RGL1: variants seen among roughly 807,000 people sequenced by gnomAD.
RGL1 encodes the protein ral guanine nucleotide dissociation stimulator like 1.
RGL1 carries 24 observed loss-of-function variants against 95.2 expected under a neutral mutation model. The ratio of observed to expected loss-of-function variants is 0.25; its 90% CI spans 0.18 to 0.35. The LOEUF (loss-of-function observed/expected upper bound fraction) is 0.35, where lower values mean the gene tolerates loss of function less well. Among genes scored for constraint, RGL1 ranks in the 10% least tolerant of loss-of-function variants. The probability of loss-of-function intolerance (pLI) is 1.00; values close to 1 mark genes in which losing one functional copy is unlikely to be tolerated. For synonymous variants in RGL1, 329 were observed against 344.9 expected (o/e 0.95, Z 0.51); for missense variants, 715 against 936.3 (o/e 0.76, Z 3.08).
chr1:183,811,989 C>A (rs979159941), intron 2 of RGL1, among the ~76,000 whole-genome samples: 3 of 152,158 alleles, frequency 2.0e-5, no homozygotes, highest in African/African-American at 4.8e-5. Context: ...CTGTGCCTTT[C>A]CACTTTAGAG....
In RGL1 at chr1:183,808,762, T is replaced by TC. The variant is rs776394150; in HGVS notation, c.138+2277_138+2278insC. ...TGTTGTGATGATCTCTCTCTCTCTC[T>TC]TTTTTTTTTTTTTAACATGAGGAGA... On this transcript the variant is annotated intron_variant, in intron 2 of 17. Transcript: ENST00000360851. Among the ~76,000 whole-genome samples the TC allele has an allele frequency of 4.9e-3, 677 of 139,380 alleles. 2 individuals are homozygous for TC. Among genetic ancestry groups the TC allele is most frequent in the Non-Finnish European group, 8.5e-3 (540 of 63,572 alleles). The allele number at this position is 139,380 out of a possible 152,430, so 91.4% of individuals were successfully genotyped here.
intron 1 of RGL1, among the ~76,000 whole-genome samples, chr1:183,725,798 A>C (rs1482483609): frequency 6.6e-6 from 1 of 152,224 alleles, no homozygotes; most frequent in Non-Finnish European, 1.5e-5. Context: ...AATTAAACTA[A>C]TCATCAACTT....
intron 1 of RGL1, among the ~76,000 whole-genome samples, chr1:183,707,656 C>G (rs12117797): frequency 0.47 from 72,006 of 151,714 alleles, 17,719 homozygotes; most frequent in East Asian, 0.76. Context: ...GGAGAGGGCG[C>G]TGGGGGAGGA....
intron 2 of RGL1, among the ~76,000 whole-genome samples, chr1:183,840,499 G>T (rs991227783): frequency 1.3e-5 from 2 of 152,034 alleles, no homozygotes; most frequent in African/African-American, 4.8e-5. Context: ...GCGTTTTCAT[G>T]ACTTTTTTAA....
intron 2 of RGL1, among the ~76,000 whole-genome samples, chr1:183,751,070 C>G (rs1657967375): frequency 6.6e-6 from 1 of 152,204 alleles, no homozygotes; most frequent in Non-Finnish European, 1.5e-5. Flanking sequence ...CAGGCTGTCC[C>G]TTAGTGGAGC....
At chr1:183,883,552 GTGATTTGTCAGAGTGAGAGCA>G (rs1258053123) in intron 5 of RGL1, among the ~76,000 whole-genome samples, 7 of 152,212 alleles carry the variant, frequency 4.6e-5, no homozygotes, top group Non-Finnish European at 1.0e-4. Context: ...CTAGGAGCCA[GTGATTTGTCAGAGTGAGAGCA>G]TGAGGGCTCT....
intron 2 of RGL1, among the ~76,000 whole-genome samples, chr1:183,824,273 C>G (rs1054590688): frequency 1.1e-4 from 16 of 152,278 alleles, no homozygotes; most frequent in African/African-American, 3.9e-4. Flanking sequence ...ATTCTAATTT[C>G]TGTGAAGATT....
At chr1:183,668,089 AC>A (rs1652172183) in intron 1 of RGL1, among the ~76,000 whole-genome samples, 1 of 152,178 alleles carries the variant, frequency 6.6e-6, no homozygotes, top group Admixed American at 6.5e-5. Flanking sequence ...TAGATCAATT[AC>A]GAATAAAAAA....
chr1:183,875,819 C>A (rs1389770437), intron 4 of RGL1, among the ~76,000 whole-genome samples: 1 of 142,258 alleles, frequency 7.0e-6, no homozygotes, highest in African/African-American at 2.7e-5. Flanking sequence ...GCGAAGATTG[C>A]AGTGAGCCGA....
chr1:183,903,622 A>G (rs1572580031), intron 12 of RGL1, among the ~76,000 whole-genome samples: 1 of 152,184 alleles, frequency 6.6e-6, no homozygotes, highest in Admixed American at 6.5e-5. Flanking sequence ...AAAGTTCACA[A>G]TCCAGGAGAG....
chr1:183,636,947 C>G (rs1649580147), intron 1 of RGL1, among the ~76,000 whole-genome samples: 1 of 152,162 alleles, frequency 6.6e-6, no homozygotes, highest in Non-Finnish European at 1.5e-5. Context: ...GGACCTCGAG[C>G]AGAAGACTGG....
chr1:183,881,657 C>T (rs1224285466), intron 5 of RGL1, among the ~76,000 whole-genome samples: 1 of 152,188 alleles, frequency 6.6e-6, no homozygotes, highest in Non-Finnish European at 1.5e-5. Context: ...GGAAATGTTC[C>T]TCAGCACCAA....
chr1:183,686,834 C>T (rs1385779212), intron 1 of RGL1, among the ~76,000 whole-genome samples: 6 of 152,110 alleles, frequency 3.9e-5, no homozygotes, highest in African/African-American at 7.2e-5. Context: ...AATACATCTC[C>T]GCCTCAGTGC....
At chr1:183,774,440 T>G (rs1659478160) in intron 2 of RGL1, among the ~76,000 whole-genome samples, 1 of 152,228 alleles carries the variant, frequency 6.6e-6, no homozygotes, top group Admixed American at 6.5e-5. Context: ...ACTGTGGGAC[T>G]GGGAGAAACT....
rs143087537 is a variant in RGL1 at position 183,875,373 on chromosome 1, G to A, written c.426-5243G>A. On this transcript the variant is annotated intron_variant, in intron 4 of 17. Transcript: ENST00000360851. ...ATGGAATGTTAATATGATTTAATAC[G>A]TTTACCTAAAATCTGCATTCATTAA... Among the ~76,000 whole-genome samples, 734 of 152,258 alleles carry A rather than the reference G, an allele frequency of 4.8e-3. 4 individuals carry two copies. The highest frequency in any genetic ancestry group is 0.017 in the African/African-American group (697 of 41,546).
At chr1:183,688,693 A>G (rs1653765686) in intron 1 of RGL1, among the ~76,000 whole-genome samples, 1 of 152,156 alleles carries the variant, frequency 6.6e-6, no homozygotes, top group East Asian at 1.9e-4. Flanking sequence ...AGGCAGGAAA[A>G]CAGTATTATG....
At chr1:183,729,264 T>C (rs1285280179) in intron 1 of RGL1, among the ~76,000 whole-genome samples, 1 of 152,030 alleles carries the variant, frequency 6.6e-6, no homozygotes. Context: ...GTCTTTCAAC[T>C]CACTGATAGA....
At chr1:183,831,937 G>A (rs1041706618) in intron 2 of RGL1, among the ~76,000 whole-genome samples, 2 of 152,174 alleles carry the variant, frequency 1.3e-5, no homozygotes, top group African/African-American at 4.8e-5. Flanking sequence ...CTTTTGGTGG[G>A]CATATACACT....
At chr1:183,673,789 C>T (rs1652639588) in intron 1 of RGL1, among the ~76,000 whole-genome samples, 1 of 152,190 alleles carries the variant, frequency 6.6e-6, no homozygotes, top group Admixed American at 6.6e-5. Context: ...GGATCATCCT[C>T]TTTTCCAGAT....
Sources: allele counts gnomAD v4.1 joint callset (sites outside exome capture counted in the v4.1 genomes callset), GRCh38; gene constraint gnomAD v4.1.1; transcripts MANE v1.5; gene names NCBI Gene and HGNC (gene_info 2026-07-23, HGNC 2026-07-21).